ARL6IP1: variants seen among roughly 807,000 people sequenced by gnomAD.
ARL6IP1 encodes ADP-ribosylation factor-like protein 6-interacting protein 1.
ARL6IP1 carries 16 observed loss-of-function variants against 30.1 expected under a neutral mutation model. The observed-to-expected ratio is 0.53, with a 90% confidence interval of 0.36 to 0.81. ARL6IP1 has a LOEUF of 0.81. Ranked by LOEUF, ARL6IP1 falls within the 30% of genes least tolerant of loss-of-function variation. The pLI is 0.01. For synonymous variants in ARL6IP1, 72 were observed against 84.8 expected, an observed-to-expected ratio of 0.85 and a Z score of 0.83; for missense variants, 173 against 242.7, an observed-to-expected ratio of 0.71 and a Z score of 1.91.
chr16:18,795,357 A>C (rs1373315563), intron 4 of ARL6IP1, 107 bp downstream of exon 4: 1 of 688,194 alleles, frequency 1.5e-6, no homozygotes, highest in Non-Finnish European at 2.5e-6. Context: ...GAATGTACTT[A>C]GGAATTAACC....
chr16:18,796,966 T>A (rs1337418176), intron 3 of ARL6IP1, among the ~76,000 whole-genome samples: 1 of 152,326 alleles, frequency 6.6e-6, no homozygotes, highest in African/African-American at 2.4e-5. Context: ...AAAATATCTA[T>A]TCCAACTTCT....
intron 2 of ARL6IP1, 192 bp from the exon 3 acceptor site, chr16:18,798,236 T>C (rs1424767681): frequency 4.1e-6 from 2 of 490,236 alleles, no homozygotes; most frequent in African/African-American, 4.0e-5. Context: ...TGGTTAAGTA[T>C]ATATCAATGG....
chr16:18,798,094 T>C, intron 2 of ARL6IP1, 50 bp from the exon 3 acceptor site: 2 of 1,500,118 alleles, frequency 1.3e-6, no homozygotes, highest in Non-Finnish European at 1.8e-6. Flanking sequence ...TTATTATTCC[T>C]AACTAAACAT....
chr16:18,798,264 T>C, intron 2 of ARL6IP1: 1 of 408,800 alleles, frequency 2.4e-6, no homozygotes, highest in Non-Finnish European at 4.4e-6. Flanking sequence ...CTCTTTGGAG[T>C]TCTCAGCACT....
chr16:18,799,818 C>T (rs556048245), intron 1 of ARL6IP1, among the ~76,000 whole-genome samples: 6 of 152,234 alleles, frequency 3.9e-5, no homozygotes, highest in African/African-American at 1.2e-4. Context: ...TCTGAACAGC[C>T]GAAAGTGGGC....
At chr16:18,795,758 GAGTA>G (rs944418976) in intron 3 of ARL6IP1, among the ~76,000 whole-genome samples, 177 bp from the exon 4 acceptor site, 7 of 152,106 alleles carry the variant, frequency 4.6e-5, no homozygotes, top group Admixed American at 6.5e-5. Context: ...TATAGCACAG[GAGTA>G]AGTATTTACA....
rs566382602 is a variant in ARL6IP1, at chr16:18,793,068, A to G, written c.*184T>C. The G allele has an allele frequency of 1.3e-4, 66 of 505,474 alleles. No homozygotes were observed. The highest frequency in any genetic ancestry group is 4.3e-4 in the Admixed American group (12 of 28,184). 31.3% of individuals were successfully genotyped at this position (505,474 alleles called of 1,614,324 possible). ...CCAACTGCTAAGAACGCGCTCAACT[A>G]TACGCGACATGAAGACACTATGCAC... On this transcript the variant is annotated 3_prime_UTR_variant, in exon 6 of 6. Transcript: ENST00000304414.
intron 1 of ARL6IP1, among the ~76,000 whole-genome samples, chr16:18,800,094 C>G (rs1182076119): frequency 6.6e-6 from 1 of 152,158 alleles, no homozygotes; most frequent in Non-Finnish European, 1.5e-5. Context: ...TTAACAAAGA[C>G]GCTCGCTATC....
At chr16:18,793,431 CTTTTTT>C in intron 5 of ARL6IP1, 61 bp from the exon 6 acceptor site, 12 of 607,936 alleles carry the variant, frequency 2.0e-5, no homozygotes, top group Admixed American at 7.9e-5. Context: ...AAGGTTATTA[CTTTTTT>C]TTTTTTTTTT....
At chr16:18,794,354 C>T in intron 5 of ARL6IP1, among the ~76,000 whole-genome samples, 1 of 152,198 alleles carries the variant, frequency 6.6e-6, no homozygotes, top group East Asian at 1.9e-4. Flanking sequence ...TCCCCAGAAA[C>T]TTCTGCTCTC....
chr16:18,797,267 C>G (rs1032154262), intron 3 of ARL6IP1, among the ~76,000 whole-genome samples: 15 of 151,652 alleles, frequency 9.9e-5, no homozygotes, highest in Non-Finnish European at 1.6e-4. Context: ...CACCTGTAGT[C>G]CCAGCTACTC....
At chr16:18,793,589 G>A (rs1488208538) in intron 5 of ARL6IP1, among the ~76,000 whole-genome samples, 3 of 151,732 alleles carry the variant, frequency 2.0e-5, no homozygotes, top group African/African-American at 4.8e-5. Context: ...GCGCCACTAC[G>A]CCTGACTAAT....
rs1447926907 is a variant in ARL6IP1, at chr16:18,791,717, GAAGA to G, written c.*1531_*1534del. The stretch of plus-strand genomic sequence containing the variant: ...TTCCCCTTTTACACAAAACAAAGTA[GAAGA>G]AATAATACAGGATTAAAACTGCAAA... On this transcript the variant is annotated 3_prime_UTR_variant, in exon 6 of 6. Transcript: ENST00000304414. 6.6e-6 allele frequency: 1 copy of G among 152,058 alleles called. No individual in the cohort carries two copies. Among genetic ancestry groups the G allele is most frequent in the African/African-American group, 2.4e-5 (1 of 41,392 alleles). The allele number at this position is 152,058 out of a possible 1,614,324, so 9.4% of individuals were successfully genotyped here. A position where few individuals can be genotyped will look rare whatever the true frequency, so the allele number is the denominator to read the frequency against.
chr16:18,793,503 C>G (rs1428024068), intron 5 of ARL6IP1, 133 bp from the exon 6 acceptor site: 1 of 536,292 alleles, frequency 1.9e-6, no homozygotes, highest in Non-Finnish European at 3.2e-6. Context: ...GCAATCTTGG[C>G]TCACCGCAAC....
rs756391857 is a variant in ARL6IP1 at position 18,794,594 on chromosome 16, C to T, written c.493+5G>A. 8.7e-6 allele frequency: 14 copies of T among 1,611,704 alleles called. No individual in the cohort carries two copies. Among genetic ancestry groups the T allele is most frequent in the African/African-American group, 2.7e-5 (2 of 74,860 alleles). On this transcript the variant is annotated splice_donor_5th_base_variant and intron_variant, in intron 5 of 5. Coordinates refer to ENST00000304414, the MANE Select transcript of ARL6IP1 (RefSeq NM_015161.3). ...TGTGCCTGTAGTTTTTCCTCAAAGA[C>T]TTACCTATCAGGTAGGTGAGAAGCA...
rs760294585 is a variant in ARL6IP1 at position 18,801,412 on chromosome 16, A to T, written c.36+19T>A. On this transcript the variant is annotated intron_variant, in intron 1 of 5. Transcript: ENST00000304414. ...GGAGGCCTCGCTCGGCTCCCGGGGG[A>T]CAGGCAGCCAGGACTCACCAGCAGG... 42 of 1,612,158 alleles carry T rather than the reference A, an allele frequency of 2.6e-5. No individual in the cohort carries two copies. The highest frequency in any genetic ancestry group is 3.5e-5 in the Non-Finnish European group (41 of 1,179,534).
intron 1 of ARL6IP1, among the ~76,000 whole-genome samples, chr16:18,799,518 CTTTT>C (rs1047837723): frequency 6.6e-6 from 1 of 152,168 alleles, no homozygotes; most frequent in African/African-American, 2.4e-5. Context: ...AATGAAATAA[CTTTT>C]TTTAAGTTTG....
rs1353409230 is a variant in ARL6IP1 at position 18,792,503 on chromosome 16, C to G, written c.*749G>C. On this transcript the variant is annotated 3_prime_UTR_variant, in exon 6 of 6. Coordinates refer to ENST00000304414, the MANE Select transcript of ARL6IP1 (RefSeq NM_015161.3). The stretch of plus-strand genomic sequence containing the variant: ...CTGAAAATCTGAAATTAAAAGCATG[C>G]TAGAAATCCTAAATGCAATCTTTTG... The G allele has an allele frequency of 6.6e-6, 1 of 152,128 alleles. No individual in the cohort carries two copies. Among genetic ancestry groups the G allele is most frequent in the African/African-American group, 2.4e-5 (1 of 41,424 alleles). The allele number at this position is 152,128 out of a possible 1,614,324, so 9.4% of individuals were successfully genotyped here.
Position 18,797,936 on chromosome 16 carries a change from G to A in ARL6IP1, c.279C>T (p.Gly93=), listed in dbSNP as rs1162880478. ...ATTATGCTACCTACCATTTATTGGA[G>A]CCAAAAATTCTAGGCGCTAGAATGG... The part of the protein sequence containing the change: ...LVPILAPRIF[G]SNKWTTEQQQ... Residue 93 remains glycine, a synonymous_variant, in exon 3 of 6, where the codon GGC becomes GGT. Transcript: ENST00000304414. The A allele has an allele frequency of 6.2e-7, 1 of 1,609,754 alleles. No individual in the cohort carries two copies. Among genetic ancestry groups the A allele is most frequent in the Admixed American group, 1.7e-5 (1 of 58,778 alleles).
Sources: allele counts gnomAD v4.1 joint callset (sites outside exome capture counted in the v4.1 genomes callset), GRCh38; gene constraint gnomAD v4.1.1; transcripts MANE v1.5; gene names NCBI Gene and HGNC (gene_info 2026-07-23, HGNC 2026-07-21).